Variants in PHLPP1 observed in about 807,000 individuals in gnomAD.
PHLPP1 encodes the protein PH domain and leucine rich repeat protein phosphatase 1.
A neutral mutation model predicts 117.2 loss-of-function variants in PHLPP1; 42 were observed. That is an observed-to-expected ratio of 0.36 (90% CI 0.28 to 0.46). PHLPP1 has a LOEUF of 0.46. PHLPP1 is among the 20% of genes least tolerant of loss of function. PHLPP1 has a pLI of 1.00. For synonymous variants in PHLPP1, 1,042 were observed against 970.7 expected, an observed-to-expected ratio of 1.07 and a Z score of -1.37; for missense variants, 2,084 against 2,241.9, an observed-to-expected ratio of 0.93 and a Z score of 1.42.
At chr18:62,825,838 A>G (rs1484471104) in intron 1 of PHLPP1, among the ~76,000 whole-genome samples, 1 of 152,198 alleles carries the variant, frequency 6.6e-6, no homozygotes, top group Admixed American at 6.5e-5. Context: ...GTCTATCAAG[A>G]TAAATATTAT....
At chr18:62,722,554 A>G (rs1343604545) in intron 1 of PHLPP1, among the ~76,000 whole-genome samples, 2 of 152,134 alleles carry the variant, frequency 1.3e-5, no homozygotes, top group African/African-American at 2.4e-5. Flanking sequence ...AATCACATGC[A>G]TCTGGTGGAA....
intron 1 of PHLPP1, among the ~76,000 whole-genome samples, chr18:62,829,474 A>G (rs1405540723): frequency 6.6e-6 from 1 of 152,256 alleles, no homozygotes; most frequent in Non-Finnish European, 1.5e-5. Flanking sequence ...ACTCCAACCC[A>G]GGCGTGGTGG....
chr18:62,865,510 A>G (rs559202336), intron 4 of PHLPP1, among the ~76,000 whole-genome samples: 19 of 152,310 alleles, frequency 1.2e-4, no homozygotes, highest in Middle Eastern at 3.4e-3. Context: ...GTATTTTTGC[A>G]TATTTCACAG....
At chr18:62,831,235 C>T (rs1164048256) in intron 2 of PHLPP1, among the ~76,000 whole-genome samples, 1 of 151,908 alleles carries the variant, frequency 6.6e-6, no homozygotes, top group East Asian at 1.9e-4. Flanking sequence ...ACTTATAGGT[C>T]AGTATTTCTT....
At chr18:62,866,784 G>A (rs983621898) in intron 4 of PHLPP1, among the ~76,000 whole-genome samples, 4 of 152,150 alleles carry the variant, frequency 2.6e-5, no homozygotes, top group Admixed American at 2.6e-4. Flanking sequence ...TTCTTACAGA[G>A]TCACCGACTT....
At chr18:62,836,236 C>T (rs186851752) in intron 2 of PHLPP1, among the ~76,000 whole-genome samples, 1 of 151,294 alleles carries the variant, frequency 6.6e-6, no homozygotes, top group Non-Finnish European at 1.5e-5. Flanking sequence ...GAGTTCAAGA[C>T]CAGACTGGCC....
chr18:62,946,186 G>A (rs1304693354), intron 12 of PHLPP1, among the ~76,000 whole-genome samples: 3 of 152,192 alleles, frequency 2.0e-5, no homozygotes, highest in Admixed American at 6.5e-5. Flanking sequence ...CCAGGCACTT[G>A]CTGATATAAA....
At chr18:62,730,350 C>T (rs375324614) in intron 1 of PHLPP1, among the ~76,000 whole-genome samples, 31 of 152,172 alleles carry the variant, frequency 2.0e-4, no homozygotes, top group African/African-American at 7.0e-4. Context: ...AGTTCTTACA[C>T]ACCATCCCTC....
chr18:62,919,842 A>C (rs573426791), intron 9 of PHLPP1, 117 bp from the exon 10 acceptor site: 11 of 726,688 alleles, frequency 1.5e-5, no homozygotes, highest in Middle Eastern at 7.3e-4. Context: ...TTCAAGTTTG[A>C]ATTTATATTA....
chr18:62,894,135 G>C (rs1162406785), intron 4 of PHLPP1, among the ~76,000 whole-genome samples: 1 of 152,190 alleles, frequency 6.6e-6, no homozygotes, highest in African/African-American at 2.4e-5. Context: ...GCTTAAGAGA[G>C]CTAAGAAGAA....
chr18:62,716,939 C>T lies in PHLPP1; in HGVS notation c.1256C>T (p.Ala419Val). The change falls in exon 1 of 17, where the codon GCC (alanine) becomes GTC (valine). Residue 419 changes from alanine to valine, a missense_variant. By Grantham distance (64) the Ala-to-Val change is moderately conservative (BLOSUM62 0). Coordinates refer to ENST00000262719, the MANE Select transcript of PHLPP1 (RefSeq NM_194449.4). The surrounding 1 kb of genome is among the most constrained non-coding windows in gnomAD (Gnocchi z 5.7). ...TCCTCGCCTCAGCCGCAGCAGAAAG[C>T]CCCGAGGGCCATTGACAGCCCGGGC... is the stretch of plus-strand genomic sequence containing the variant. ...TASSPQPQQK[A>V]PRAIDSPGGA... 1.3e-6 allele frequency: 2 copies of T among 1,536,282 alleles called. No homozygotes were observed. Among genetic ancestry groups the T allele is most frequent in the African/African-American group, 1.4e-5 (1 of 72,818 alleles).
At chr18:62,927,067 C>T (rs1212160345) in intron 10 of PHLPP1, among the ~76,000 whole-genome samples, 2 of 152,058 alleles carry the variant, frequency 1.3e-5, no homozygotes, top group Non-Finnish European at 2.9e-5. Flanking sequence ...GCCAGAAATA[C>T]AGTAATTGAA....
At chr18:62,824,119 G>A (rs1210176995) in intron 1 of PHLPP1, 32 of 434,790 alleles carry the variant, frequency 7.4e-5, no homozygotes, top group South Asian at 3.8e-4. Flanking sequence ...CAACAAGAGC[G>A]AAACTCCGTC....
intron 10 of PHLPP1, among the ~76,000 whole-genome samples, chr18:62,921,186 T>C (rs538546070): frequency 6.6e-6 from 1 of 152,352 alleles, no homozygotes; most frequent in South Asian, 2.1e-4. Flanking sequence ...TTATTTTGAC[T>C]TCTGCTCCCA....
At chr18:62,800,115 C>T (rs991456542) in intron 1 of PHLPP1, among the ~76,000 whole-genome samples, 2 of 152,080 alleles carry the variant, frequency 1.3e-5, no homozygotes, top group African/African-American at 4.8e-5. Context: ...CAGGGCACGG[C>T]CAGCTGGAGG....
chr18:62,789,424 AG>A (rs1170199398), intron 1 of PHLPP1, among the ~76,000 whole-genome samples: 5 of 152,344 alleles, frequency 3.3e-5, no homozygotes, highest in Admixed American at 1.3e-4. Flanking sequence ...TTGTTTTTGA[AG>A]AGTCACATGG....
intron 3 of PHLPP1, among the ~76,000 whole-genome samples, chr18:62,840,861 A>G (rs997869536): frequency 1.3e-5 from 2 of 152,142 alleles, no homozygotes; most frequent in African/African-American, 4.8e-5. Context: ...CATCATTAGT[A>G]CTTAACTCTG....
chr18:62,787,910 G>C lies in PHLPP1; in HGVS notation c.1577-42125G>C, dbSNP rs973864187. On this transcript the variant is annotated intron_variant, in intron 1 of 16. Transcript: ENST00000262719. ...GTGGGTAATCCAGTGGGTTGGTTAAGTGGAACTTGGTTAAAAGTACATTTG... is the reference window on the plus strand; with the variant it reads ...GTGGGTAATCCAGTGGGTTGGTTAACTGGAACTTGGTTAAAAGTACATTTG... Among the ~76,000 whole-genome samples the C allele has an allele frequency of 2.6e-5, 4 of 152,322 alleles. No homozygotes were observed. In the East Asian group the frequency reaches 5.8e-4, roughly 22 times the overall value.
intron 1 of PHLPP1, among the ~76,000 whole-genome samples, chr18:62,798,930 A>C (rs978783581): frequency 1.3e-5 from 2 of 152,318 alleles, no homozygotes; most frequent in African/African-American, 2.4e-5. Flanking sequence ...CAAAACAAAA[A>C]ACAAAACTCA....
Sources: gnomAD v4.1 joint callset for allele counts (sites outside exome capture counted in the v4.1 genomes callset) on GRCh38, gnomAD v4.1.1 for gene constraint, Gnocchi (gnomAD v3.1) non-coding constraint, MANE v1.5 for transcripts, NCBI Gene and HGNC (gene_info 2026-07-23, HGNC 2026-07-21) for gene names.